GLB1L2: variants seen among roughly 807,000 people sequenced by gnomAD.
GLB1L2 encodes the protein beta-galactosidase-1-like protein 2.
GLB1L2 carries 68 observed loss-of-function variants against 84.1 expected under a neutral mutation model. The ratio of observed to expected loss-of-function variants is 0.81; its 90% CI spans 0.67 to 0.99. The LOEUF is 0.99. GLB1L2 is among the 50% of genes least tolerant of loss of function. The pLI, the probability that GLB1L2 is intolerant of heterozygous loss-of-function variation, is 0.00. For synonymous variants in GLB1L2, 290 were observed against 318.0 expected (o/e 0.91, Z 0.94); for missense variants, 762 against 805.6 (o/e 0.95, Z 0.66).
At chr11:134,368,610 A>C (rs1943896326) in intron 9 of GLB1L2, 34 bp from the exon 10 acceptor site, 14 of 1,612,064 alleles carry the variant, frequency 8.7e-6, no homozygotes, top group Non-Finnish European at 1.2e-5. Flanking sequence ...ACTTTAACTC[A>C]CTCTGCACAT....
In GLB1L2 at chr11:134,347,857, C is replaced by A. The variant is rs1264378595; in HGVS notation, c.558+424C>A. On this transcript the variant is annotated intron_variant, in intron 5 of 18. Transcript: ENST00000535456. ...CAGGGTGGAGCACATGTGGATTAAC[C>A]TTTGCCTATAAGACTGCAGGACTTT... 2.6e-5 allele frequency among the ~76,000 whole-genome samples: 4 copies of A among 152,168 alleles called. No homozygotes were observed. The East Asian group carries it at 7.7e-4, about 29-fold the overall frequency.
intron 1 of GLB1L2, among the ~76,000 whole-genome samples, chr11:134,340,694 G>A (rs1429581250): frequency 4.6e-5 from 7 of 152,232 alleles, no homozygotes; most frequent in East Asian, 3.8e-4. Flanking sequence ...AGGGCAGATC[G>A]CACATATTTT....
At position 134,371,090 on chromosome 11, in the gene GLB1L2, A is replaced by G. The variant is rs751481125; in HGVS notation, c.1298A>G (p.Tyr433Cys). The change falls in exon 13 of 19, where the codon TAT (tyrosine) becomes TGT (cysteine). Residue 433 changes from tyrosine to cysteine, a missense_variant. Physicochemically the swap from Tyr to Cys is radical, Grantham distance 194 (BLOSUM62 -2). This residue lies in a region of GLB1L2 where 603 missense variants were observed against 611.7 expected (regional missense o/e 0.99). Coordinates refer to ENST00000535456, the MANE Select transcript of GLB1L2 (RefSeq NM_001370461.1). The stretch of plus-strand genomic sequence containing the variant: ...GGACAGTCCTTCGGGTACATTCTCT[A>G]TGAGACCAGCATCACCTCGTCTGGC... The part of the protein sequence containing the change: ...GNGQSFGYIL[Y>C]ETSITSSGIL... The G allele has an allele frequency of 7.4e-6, 12 of 1,613,954 alleles. No homozygotes were observed. Among genetic ancestry groups the G allele is most frequent in the Admixed American group, 3.3e-5 (2 of 60,028 alleles).
chr11:134,359,154 G>A lies in GLB1L2; in HGVS notation c.733+13G>A. 6.3e-7 allele frequency: 1 copy of A among 1,575,962 alleles called. No individual in the cohort carries two copies. The highest frequency in any genetic ancestry group is 8.6e-7 in the Non-Finnish European group (1 of 1,158,522). On this transcript the variant is annotated intron_variant, in intron 7 of 18. Transcript: ENST00000535456. Reference sequence around the variant, plus strand: ...ATTGTCCAGGGAGGTAACTGCACTTGTGTTGGGCCGTGGGGGCTGGCGGCG... The same window carrying A: ...ATTGTCCAGGGAGGTAACTGCACTTATGTTGGGCCGTGGGGGCTGGCGGCG...
At chr11:134,350,092 G>C (rs964864016) in intron 5 of GLB1L2, among the ~76,000 whole-genome samples, 1 of 152,210 alleles carries the variant, frequency 6.6e-6, no homozygotes, top group African/African-American at 2.4e-5. Context: ...TTGGGGGAGG[G>C]ATGTGCAAGA....
chr11:134,362,290 C>CT (rs1943803722), intron 7 of GLB1L2, among the ~76,000 whole-genome samples: 1 of 151,726 alleles, frequency 6.6e-6, no homozygotes, highest in Admixed American at 6.5e-5. Flanking sequence ...GGGTAGTTTG[C>CT]TTTTTACAAA....
Position 134,367,320 on chromosome 11 carries a change from C to T in GLB1L2, c.868C>T (p.His290Tyr). The stretch of plus-strand genomic sequence containing the variant: ...GTGGTTTGACTCGTGGGGAGGCCCT[C>T]ACAATATCTTGGATTCTTCTGGTGA... ...TGWFDSWGGP[H>Y]NILDSSEVLK... The change falls in exon 9 of 19, where the codon CAC (histidine) becomes TAC (tyrosine). Residue 290 changes from histidine (H) to tyrosine (Y), a missense_variant. This residue lies in a region of GLB1L2 where 603 missense variants were observed against 611.7 expected (regional missense o/e 0.99). Coordinates refer to ENST00000535456, the MANE Select transcript of GLB1L2 (RefSeq NM_001370461.1). 1 of 1,614,070 alleles carries T rather than the reference C, an allele frequency of 6.2e-7. No homozygotes were observed. The highest frequency in any genetic ancestry group is 8.5e-7 in the Non-Finnish European group (1 of 1,179,966).
chr11:134,347,370 G>A lies in GLB1L2; in HGVS notation c.495G>A (p.Lys165=). The A allele has an allele frequency of 6.2e-7, 1 of 1,614,170 alleles. No homozygotes were observed. Among genetic ancestry groups the A allele is most frequent in the African/African-American group, 1.3e-5 (1 of 75,054 alleles). ...DPGMRLRTTY[K]GFTEAVDLYF... Reference sequence around the variant, plus strand: ...GCATGAGGCTGAGGACAACTTACAAGGGCTTCACCGAAGCAGTGGACCTTT... The same window carrying A: ...GCATGAGGCTGAGGACAACTTACAAAGGCTTCACCGAAGCAGTGGACCTTT... Residue 165 remains lysine, a synonymous_variant, in exon 5 of 19, where the codon AAG becomes AAA. Transcript: ENST00000535456.
At chr11:134,333,231 C>T (rs892553688) in intron 1 of GLB1L2, among the ~76,000 whole-genome samples, 5 of 152,110 alleles carry the variant, frequency 3.3e-5, no homozygotes, top group African/African-American at 1.2e-4. Flanking sequence ...GGGAGAAGGA[C>T]GGATTTTCTT....
Position 134,347,328 on chromosome 11 carries a change from G to T in GLB1L2, c.453G>T (p.Trp151Cys), listed in dbSNP as rs1204762803. 8.1e-6 allele frequency: 13 copies of T among 1,612,770 alleles called. No homozygotes were observed. The highest frequency in any genetic ancestry group is 1.3e-5 in the African/African-American group (1 of 74,880). ...TTTCCCCCGTTTACACTTCAAGCTG[G>T]CTACTCCAAGACCCTGGCATGAGGC... ...SEMDLGGLPS[W>C]LLQDPGMRLR... The change falls in exon 5 of 19, where the codon TGG becomes TGT. Residue 151 changes from tryptophan to cysteine, a missense_variant. By Grantham distance (215) the Trp-to-Cys change is radical. Coordinates refer to ENST00000535456, the MANE Select transcript of GLB1L2 (RefSeq NM_001370461.1).
At chr11:134,357,382 G>A (rs1445539318) in intron 6 of GLB1L2, among the ~76,000 whole-genome samples, 5 of 152,238 alleles carry the variant, frequency 3.3e-5, no homozygotes, top group African/African-American at 4.8e-5. Flanking sequence ...AAGCAAGGCC[G>A]TGTCCAGGAA....
At chr11:134,368,551 GTGGGAC>G (rs780342670) in intron 9 of GLB1L2, 87 bp from the exon 10 acceptor site, 153 of 1,368,312 alleles carry the variant, frequency 1.1e-4, no homozygotes, top group Non-Finnish European at 1.5e-4. Flanking sequence ...AGGTTTTGAG[GTGGGAC>G]TGGGAAAGAG....
chr11:134,344,594 C>G (rs1591612463), intron 3 of GLB1L2, 139 bp downstream of exon 3: 1 of 1,044,272 alleles, frequency 9.6e-7, no homozygotes, highest in African/African-American at 1.6e-5. Context: ...GGCCCTGCAC[C>G]CAGGACCCAG....
chr11:134,372,263 G>C (rs183983201), intron 15 of GLB1L2, among the ~76,000 whole-genome samples: 1 of 152,292 alleles, frequency 6.6e-6, no homozygotes, highest in Admixed American at 6.5e-5. Context: ...TCAGATGTTG[G>C]GGGAGGAGGA....
chr11:134,336,706 GCCA>G (rs756497232), intron 1 of GLB1L2, among the ~76,000 whole-genome samples: 3 of 152,164 alleles, frequency 2.0e-5, no homozygotes, highest in Non-Finnish European at 4.4e-5. Flanking sequence ...TCTTGTAAGA[GCCA>G]GTGCATCTCT....
rs1943988281 is a variant in GLB1L2, at chr11:134,373,741, C to G, written c.1528C>G (p.Leu510Val). ...CACAGGCTTAATTGGAAATCTCTAT[C>G]TGAATGATTCACCCCTGAAAAACTT... ...QRKGLIGNLY[L>V]NDSPLKNFRI... The change falls in exon 16 of 19, where the codon CTG becomes GTG. Residue 510 changes from leucine to valine, a missense_variant. This residue lies in a region of GLB1L2 where 603 missense variants were observed against 611.7 expected (regional missense o/e 0.99). Coordinates refer to ENST00000535456, the MANE Select transcript of GLB1L2 (RefSeq NM_001370461.1). The G allele has an allele frequency of 6.2e-7, 1 of 1,612,252 alleles. No homozygotes were observed. The highest frequency in any genetic ancestry group is 1.3e-5 in the African/African-American group (1 of 74,894).
chr11:134,362,998 C>G (rs1445668633), intron 7 of GLB1L2, among the ~76,000 whole-genome samples: 1 of 152,232 alleles, frequency 6.6e-6, no homozygotes, highest in Non-Finnish European at 1.5e-5. Context: ...TACCTGTCCA[C>G]TCTCCGCTTG....
chr11:134,367,115 C>A, intron 8 of GLB1L2, 142 bp from the exon 9 acceptor site: 1 of 766,520 alleles, frequency 1.3e-6, no homozygotes, highest in East Asian at 2.7e-5. Flanking sequence ...CTATGCCCCA[C>A]CTCCAAAGAC....
In GLB1L2 at chr11:134,374,727, T is replaced by C. The variant is rs1339172059; in HGVS notation, c.1824+9T>C. 4 of 1,596,380 alleles carry C rather than the reference T, an allele frequency of 2.5e-6. No individual in the cohort carries two copies. The highest frequency in any genetic ancestry group is 3.4e-6 in the Non-Finnish European group (4 of 1,164,258). On this transcript the variant is annotated intron_variant, in intron 18 of 18. Coordinates refer to ENST00000535456, the MANE Select transcript of GLB1L2 (RefSeq NM_001370461.1). ...GCAGCGGAATCAACCAGGTGGGAGC[T>C]TCCAGCCCCTTCCTGTTCCCCATGA...
Sources: allele counts gnomAD v4.1 joint callset (sites outside exome capture counted in the v4.1 genomes callset), GRCh38; gene constraint gnomAD v4.1.1; regional missense constraint gnomAD v4.1.1; transcripts MANE v1.5; gene names NCBI Gene and HGNC (gene_info 2026-07-23, HGNC 2026-07-21).